Variants in NPHP4 observed in about 807,000 individuals in gnomAD.
NPHP4 encodes the protein nephrocystin 4.
A neutral mutation model predicts 155.8 loss-of-function variants in NPHP4; 151 were observed. The ratio of observed to expected loss-of-function variants is 0.97; its 90% CI spans 0.85 to 1.11. The LOEUF (loss-of-function observed/expected upper bound fraction) is 1.11, where lower values mean the gene tolerates loss of function less well. Ranked by LOEUF, NPHP4 falls within the 50% of genes least tolerant of loss-of-function variation. The pLI is 0.00. For missense variants in NPHP4, 1,956 were observed against 1,925.7 expected (o/e 1.02, Z -0.29); for synonymous variants, 845 against 816.8 (o/e 1.03, Z -0.59).
At position 5,874,451 on chromosome 1, in the gene NPHP4, T is replaced by C. The variant is rs769550908; in HGVS notation, c.3231+20A>G. ...CGTCATCAGCCAAATGCAACTTCCC[T>C]GTGTGCCTGACACCCGCACCTGCAC... is the stretch of plus-strand genomic sequence containing the variant. On this transcript the variant is annotated intron_variant, in intron 22 of 29. Transcript: ENST00000378156. The C allele has an allele frequency of 3.3e-6, 5 of 1,501,936 alleles. No individual in the cohort carries two copies. The highest frequency in any genetic ancestry group is 3.6e-6 in the Non-Finnish European group (4 of 1,121,990). The allele number at this position is 1,501,936 out of a possible 1,614,324, so 93.0% of individuals were successfully genotyped here. A position where few individuals can be genotyped will look rare whatever the true frequency, so the allele number is the denominator to read the frequency against.
At chr1:5,917,132 T>C (rs61762117) in intron 11 of NPHP4, among the ~76,000 whole-genome samples, 30,388 of 152,044 alleles carry the variant, frequency 0.2, 3,448 homozygotes, top group African/African-American at 0.31. Context: ...GGTTTTCCTT[T>C]AGGGAATCAC....
chr1:5,888,737 T>G, intron 17 of NPHP4: 1 of 599,692 alleles, frequency 1.7e-6, no homozygotes, highest in Non-Finnish European at 2.6e-6. Context: ...GCGACTGGTT[T>G]AAAGGCTGAC....
chr1:5,904,728 C>T lies in NPHP4; in HGVS notation c.2032G>A (p.Ala678Thr), dbSNP rs368101076. 31 of 1,613,856 alleles carry T rather than the reference C, an allele frequency of 1.9e-5. No individual in the cohort carries two copies. The highest frequency in any genetic ancestry group is 1.7e-4 in the African/African-American group (13 of 74,906). The change falls in exon 16 of 30, where the codon GCA becomes ACA. Residue 678 changes from alanine to threonine, a missense_variant. Ala to Thr is a moderately conservative substitution (Grantham distance 58). Transcript: ENST00000378156. ...ACCAGCTGCAGTCGTGGCGTCGTTG[C>T]GGGTGGGAAGCGGTAGAACTGGAAG... is the stretch of plus-strand genomic sequence containing the variant. The part of the protein sequence containing the change: ...FTFQFYRFPP[A>T]TTPRLQLVQL...
At chr1:5,868,674 ACAC>A (rs1295186897) in intron 23 of NPHP4, among the ~76,000 whole-genome samples, 1 of 150,414 alleles carries the variant, frequency 6.6e-6, no homozygotes, top group Non-Finnish European at 1.5e-5. Context: ...ACAAATGCAC[ACAC>A]ATGCATGTAC....
At position 5,927,660 on chromosome 1, in the gene NPHP4, G is replaced by A. The variant is rs886043364; in HGVS notation, c.1430C>T (p.Thr477Met). The change falls in exon 11 of 30, where the codon ACG (threonine) becomes ATG (methionine). Residue 477 changes from threonine (T) to methionine (M), a missense_variant. By Grantham distance (81) the Thr-to-Met change is moderately conservative. Transcript: ENST00000378156. ...CTGGAAACACTTACTCGAAGGGGAC[G>A]TGGGTGGTTTCCTGGAAGGCCGCCG... ...VERRPSRKPP[T>M]SPSSPPAPVP... The A allele has an allele frequency of 1.3e-5, 21 of 1,610,674 alleles. No individual in the cohort carries two copies. Among genetic ancestry groups the A allele is most frequent in the Non-Finnish European group, 1.5e-5 (18 of 1,177,236 alleles).
At chr1:5,895,178 G>C (rs1412690207) in intron 16 of NPHP4, among the ~76,000 whole-genome samples, 3 of 151,264 alleles carry the variant, frequency 2.0e-5, no homozygotes. Flanking sequence ...ACCGGGGCCT[G>C]TCGTGGGGTG....
chr1:5,865,927 G>A (rs558366415), intron 26 of NPHP4: 24 of 211,542 alleles, frequency 1.1e-4, no homozygotes, highest in African/African-American at 1.6e-4. Context: ...TTGGGGATCC[G>A]ACTTAGGAGG....
rs778502117 is a variant in NPHP4 at position 5,904,807 on chromosome 1, G to A, written c.1956-3C>T. The A allele has an allele frequency of 4.3e-6, 7 of 1,613,702 alleles. No homozygotes were observed. In the African/African-American group the frequency reaches 5.3e-5, roughly 12 times the overall value. On this transcript the variant is annotated splice_polypyrimidine_tract_variant and splice_region_variant and intron_variant, in intron 15 of 29. Coordinates refer to ENST00000378156, the MANE Select transcript of NPHP4 (RefSeq NM_015102.5). ...TTCCTCGGCAGTCCTGGGCCACTCT[G>A]AATCCAACAACAGCTCTGGGTTAAC...
rs1030314260 is a variant in NPHP4, at chr1:5,885,553, C to T, written c.2485+1733G>A. Among the ~76,000 whole-genome samples, 13 of 152,234 alleles carry T rather than the reference C, an allele frequency of 8.5e-5. 1 individual carries two copies. Among genetic ancestry groups the T allele is most frequent in the Admixed American group, 7.9e-4 (12 of 15,282 alleles). ...CACCAAGCATGAGGGCAGTCCTCTC[C>T]CCATCATCAGAGTCCCAGGGCCCTG... On this transcript the variant is annotated intron_variant, in intron 18 of 29. Transcript: ENST00000378156.
At chr1:5,874,246 G>C (rs1427681102) in intron 22 of NPHP4, among the ~76,000 whole-genome samples, 3 of 151,852 alleles carry the variant, frequency 2.0e-5, no homozygotes, top group South Asian at 2.1e-4. Context: ...ATTAGGAGGA[G>C]ATGGTCCAGC....
chr1:5,958,221 G>T (rs1280487990), intron 6 of NPHP4, among the ~76,000 whole-genome samples: 1 of 152,202 alleles, frequency 6.6e-6, no homozygotes, highest in East Asian at 1.9e-4. Flanking sequence ...CTGACAAGCT[G>T]CATTGGCACT....
intron 11 of NPHP4, among the ~76,000 whole-genome samples, chr1:5,912,879 G>T (rs1645258981): frequency 6.6e-6 from 1 of 152,166 alleles, no homozygotes; most frequent in Non-Finnish European, 1.5e-5. Context: ...CACTGGGAGG[G>T]GAATCAGCGT....
At chr1:5,928,777 A>T (rs901147199) in intron 10 of NPHP4, among the ~76,000 whole-genome samples, 26 of 152,156 alleles carry the variant, frequency 1.7e-4, no homozygotes, top group African/African-American at 5.8e-4. Flanking sequence ...AGCTTTCCAT[A>T]TAAATTTCAG....
chr1:5,930,330 G>C (rs1025913701), intron 10 of NPHP4, among the ~76,000 whole-genome samples: 1 of 151,936 alleles, frequency 6.6e-6, no homozygotes, highest in Non-Finnish European at 1.5e-5. Flanking sequence ...ATTGACTTCT[G>C]AATAGCTTTG....
chr1:5,992,303 G>A lies in NPHP4; in HGVS notation c.-98C>T, dbSNP rs1336090687. On this transcript the variant is annotated 5_prime_UTR_variant, in exon 1 of 30. Coordinates refer to ENST00000378156, the MANE Select transcript of NPHP4 (RefSeq NM_015102.5). ...CCACGGAGCCCACGCTTTTCAGAGA[G>A]TCTCCACTCGACGGACCCAGAGGCC... 3 of 152,152 alleles carry A rather than the reference G, an allele frequency of 2.0e-5. No homozygotes were observed. The highest frequency in any genetic ancestry group is 7.2e-5 in the African/African-American group (3 of 41,460). The allele number at this position is 152,152 out of a possible 1,614,324, so 9.4% of individuals were successfully genotyped here.
chr1:5,883,182 C>T (rs1178373005), intron 18 of NPHP4, among the ~76,000 whole-genome samples: 2 of 152,156 alleles, frequency 1.3e-5, no homozygotes, highest in Non-Finnish European at 2.9e-5. Context: ...CAGGCTGGGG[C>T]GAGGAAGGGA....
At chr1:5,929,153 T>A (rs1343225303) in intron 10 of NPHP4, among the ~76,000 whole-genome samples, 6 of 152,252 alleles carry the variant, frequency 3.9e-5, no homozygotes. Context: ...TGTGTTATCC[T>A]GCAACCTCAC....
chr1:5,875,012 C>CCT lies in NPHP4; in HGVS notation c.2905_2906insAG (p.Ser969LysfsTer4). On this transcript the variant is annotated frameshift_variant, in exon 21 of 30. Transcript: ENST00000378156. LOFTEE classifies it high-confidence loss of function. ...CGTGGTGATGGCCAGGCTCAGCAGGCTGGCGATGCTCTCGGCCTTCGTGCG... is the reference window on the plus strand; with the variant it reads ...CGTGGTGATGGCCAGGCTCAGCAGGCCTTGGCGATGCTCTCGGCCTTCGTGCG... 1 of 1,611,614 alleles carries CCT rather than the reference C, an allele frequency of 6.2e-7. No individual in the cohort carries two copies. The highest frequency in any genetic ancestry group is 8.5e-7 in the Non-Finnish European group (1 of 1,179,864).
intron 9 of NPHP4, among the ~76,000 whole-genome samples, chr1:5,943,900 C>G (rs1254915933): frequency 6.6e-6 from 1 of 152,028 alleles, no homozygotes; most frequent in African/African-American, 2.4e-5. Context: ...GATGCGGTCT[C>G]CAATAGCCCA....
Sources: gnomAD v4.1 joint callset for allele counts (sites outside exome capture counted in the v4.1 genomes callset) on GRCh38, gnomAD v4.1.1 for gene constraint, MANE v1.5 for transcripts, NCBI Gene and HGNC (gene_info 2026-07-23, HGNC 2026-07-21) for gene names.